RANGAP1: variants seen among roughly 807,000 people sequenced by gnomAD.
The protein encoded by RANGAP1 is Ran GTPase activating protein 1, also known as ran GTPase-activating protein 1.
A neutral mutation model predicts 63.5 loss-of-function variants in RANGAP1; 38 were observed. The ratio of observed to expected loss-of-function variants is 0.60; its 90% CI spans 0.46 to 0.78. RANGAP1 has a LOEUF of 0.78. Among genes scored for constraint, RANGAP1 ranks in the 30% least tolerant of loss-of-function variants. RANGAP1 has a pLI of 0.00. For synonymous variants in RANGAP1, 329 were observed against 310.5 expected, an observed-to-expected ratio of 1.06 and a Z score of -0.63; for missense variants, 630 against 740.3, an observed-to-expected ratio of 0.85 and a Z score of 1.73.
chr22:41,247,715 G>T (rs2033142765), intron 15 of RANGAP1, among the ~76,000 whole-genome samples: 1 of 152,242 alleles, frequency 6.6e-6, no homozygotes, highest in Non-Finnish European at 1.5e-5. Context: ...GCAAGACTCT[G>T]GGGGACTGGG....
intron 10 of RANGAP1, among the ~76,000 whole-genome samples, chr22:41,255,465 G>A (rs938001057): frequency 1.3e-5 from 2 of 151,916 alleles, no homozygotes; most frequent in Non-Finnish European, 2.9e-5. Context: ...AGGCCCCATG[G>A]TCTCTTCCTT....
Position 41,246,185 on chromosome 22 carries a change from A to C in RANGAP1, c.*418T>G. On this transcript the variant is annotated 3_prime_UTR_variant, in exon 16 of 16. Transcript: ENST00000356244. Reference sequence around the variant, plus strand: ...ACAACCCAATCACAACACAGAGGGGAAGGACAGCACGCGGGCAACTCCCTG... The same window carrying C: ...ACAACCCAATCACAACACAGAGGGGCAGGACAGCACGCGGGCAACTCCCTG... The C allele has an allele frequency of 5.1e-6, 1 of 196,976 alleles. No homozygotes were observed. Among genetic ancestry groups the C allele is most frequent in the Non-Finnish European group, 1.1e-5 (1 of 94,802 alleles). The allele number at this position is 196,976 out of a possible 1,614,324, so 12.2% of individuals were successfully genotyped here.
intron 5 of RANGAP1, among the ~76,000 whole-genome samples, chr22:41,264,098 C>A (rs2034324769): frequency 6.6e-6 from 1 of 152,226 alleles, no homozygotes; most frequent in Non-Finnish European, 1.5e-5. Flanking sequence ...GTCCTCCAAC[C>A]CTGGGTCTAA....
intron 11 of RANGAP1, 171 bp from the exon 12 acceptor site, chr22:41,253,162 C>T (rs892918419): frequency 5.9e-6 from 4 of 683,490 alleles, no homozygotes; most frequent in African/African-American, 1.9e-5. Context: ...CAATATCACC[C>T]AGAGATGCTG....
Position 41,269,447 on chromosome 22 carries a change from A to G in RANGAP1, c.241-1291T>C, listed in dbSNP as rs6002306. Among the ~76,000 whole-genome samples, 336 of 152,232 alleles carry G rather than the reference A, an allele frequency of 2.2e-3. 2 individuals are homozygous for G. Among genetic ancestry groups the G allele is most frequent in the Middle Eastern group, 0.017 (5 of 294 alleles). On this transcript the variant is annotated intron_variant, in intron 3 of 15. Coordinates refer to ENST00000356244, the MANE Select transcript of RANGAP1 (RefSeq NM_002883.4). ...ATCTATTATATATTTCAAAATACCTAGAAGATGCCGGGCATGGTGGCTCAC... is the reference window on the plus strand; with the variant it reads ...ATCTATTATATATTTCAAAATACCTGGAAGATGCCGGGCATGGTGGCTCAC...
chr22:41,249,576 A>T, intron 14 of RANGAP1, 125 bp from the exon 15 acceptor site: 1 of 1,541,030 alleles, frequency 6.5e-7, no homozygotes, highest in South Asian at 1.2e-5. Context: ...CATCGTGAAG[A>T]CCAAGGCTGC....
chr22:41,270,567 C>T (rs1235371230), intron 3 of RANGAP1, among the ~76,000 whole-genome samples: 1 of 152,188 alleles, frequency 6.6e-6, no homozygotes, highest in Non-Finnish European at 1.5e-5. Context: ...CCCACCTCAA[C>T]CTCCCAAGTA....
the RANGAP1 span, among the ~76,000 whole-genome samples, chr22:41,292,018 C>T: frequency 1.3e-5 from 2 of 152,108 alleles, no homozygotes; most frequent in African/African-American, 2.4e-5. Context: ...TTCTCTTGAA[C>T]CTCTGCCTCC....
At chr22:41,297,001 A>G in the RANGAP1 span, among the ~76,000 whole-genome samples, 3 of 152,336 alleles carry the variant, frequency 2.0e-5, no homozygotes, top group African/African-American at 7.2e-5. Context: ...ACTTGAGATC[A>G]GGAGTTCAAG....
chr22:41,257,620 T>G lies in RANGAP1; in HGVS notation c.774+328A>C, dbSNP rs982264381. On this transcript the variant is annotated intron_variant, in intron 7 of 15. Coordinates refer to ENST00000356244, the MANE Select transcript of RANGAP1 (RefSeq NM_002883.4). The surrounding 1 kb of genome is among the most constrained non-coding windows in gnomAD (Gnocchi z 4.0). ...AAATAACAAAACAAACAACAGCTGC[T>G]GAACAAATCAACCAGGAAAACAGAT... Among the ~76,000 whole-genome samples the G allele has an allele frequency of 6.6e-5, 10 of 152,168 alleles. No homozygotes were observed. Among genetic ancestry groups the G allele is most frequent in the Admixed American group, 5.2e-4 (8 of 15,284 alleles).
chr22:41,294,048 C>CTCTCCG, the RANGAP1 span, among the ~76,000 whole-genome samples: 1 of 151,622 alleles, frequency 6.6e-6, no homozygotes, highest in Non-Finnish European at 1.5e-5. Flanking sequence ...CTCCCTCTCC[C>CTCTCCG]TCTCCCCACG....
At position 41,256,174 on chromosome 22, in the gene RANGAP1, C is replaced by T. The variant is rs2033819827; in HGVS notation, c.988+17G>A. ...CAGCCTAGCAGACCTGTGCAGAGGC[C>T]TCCCCCATCCGACTACCATTCAGGT... On this transcript the variant is annotated intron_variant, in intron 9 of 15. Transcript: ENST00000356244. 1 of 1,613,978 alleles carries T rather than the reference C, an allele frequency of 6.2e-7. No homozygotes were observed. The highest frequency in any genetic ancestry group is 1.1e-5 in the South Asian group (1 of 91,076).
chr22:41,252,192 C>T (rs900786362), intron 12 of RANGAP1, among the ~76,000 whole-genome samples: 10 of 151,864 alleles, frequency 6.6e-5, no homozygotes, highest in Admixed American at 2.0e-4. Flanking sequence ...ATTAGCTGGG[C>T]GCGGGAGGCT....
upstream of RANGAP1, among the ~76,000 whole-genome samples, chr22:41,286,942 A>G (rs1359059252): frequency 2.0e-5 from 3 of 152,234 alleles, no homozygotes; most frequent in East Asian, 5.8e-4. Context: ...ATGTAAGACA[A>G]AGAAAAACTG....
At position 41,258,085 on chromosome 22, in the gene RANGAP1, C is replaced by A. The variant is rs1206901237; in HGVS notation, c.637G>T (p.Val213Phe). The change falls in exon 7 of 16, where the codon GTC (valine) becomes TTC (phenylalanine). Residue 213 changes from valine to phenylalanine, a missense_variant. By Grantham distance (50) the Val-to-Phe change is conservative. Around this residue, in one of 3 missense-constraint regions of RANGAP1, gnomAD observed 137 missense variants for 214.3 expected, o/e 0.64. Coordinates refer to ENST00000356244, the MANE Select transcript of RANGAP1 (RefSeq NM_002883.4). ...TTGATCCCATTCTGTGGCATGTGGA[C>A]CTCCTCCAGGGTCCCGATGACCTGT... ...AFRVIGTLEEVHMPQNGINHP... is the reference protein window; with the variant it reads ...AFRVIGTLEEFHMPQNGINHP... The A allele has an allele frequency of 1.2e-6, 2 of 1,611,386 alleles. No individual in the cohort carries two copies. Among genetic ancestry groups the A allele is most frequent in the East Asian group, 2.2e-5 (1 of 44,752 alleles).
chr22:41,246,715 G>T, intron 15 of RANGAP1, 43 bp from the exon 16 acceptor site: 1 of 1,485,554 alleles, frequency 6.7e-7, no homozygotes, highest in Non-Finnish European at 9.2e-7. Context: ...ATGCCTCTTG[G>T]CCTGTTTTCC....
chr22:41,252,610 T>C (rs1351583497), intron 12 of RANGAP1, among the ~76,000 whole-genome samples: 1 of 152,106 alleles, frequency 6.6e-6, no homozygotes, highest in Non-Finnish European at 1.5e-5. Context: ...GCAAGGCTCT[T>C]AAGGAAATTC....
the RANGAP1 span, among the ~76,000 whole-genome samples, chr22:41,296,755 A>G: frequency 6.6e-6 from 1 of 152,172 alleles, no homozygotes; most frequent in African/African-American, 2.4e-5. Flanking sequence ...AATCAGCAGG[A>G]GATATATGTA....
intron 13 of RANGAP1, 29 bp from the exon 14 acceptor site, chr22:41,249,846 TGCTG>T: frequency 6.3e-7 from 1 of 1,594,648 alleles, no homozygotes; most frequent in Non-Finnish European, 8.6e-7. Context: ...AGGGGCAGGC[TGCTG>T]GCTATGGCAG....
Sources: allele counts gnomAD v4.1 joint callset (sites outside exome capture counted in the v4.1 genomes callset), GRCh38; gene constraint gnomAD v4.1.1; regional missense constraint gnomAD v4.1.1; non-coding constraint Gnocchi (gnomAD v3.1); transcripts MANE v1.5; gene names NCBI Gene and HGNC (gene_info 2026-07-23, HGNC 2026-07-21).